The following FHIT variants were observed in gnomAD, a reference collection of about 807,000 sequenced individuals.
FHIT encodes the protein bis(5'-adenosyl)-triphosphatase.
A neutral mutation model predicts 17.9 loss-of-function variants in FHIT; 19 were observed. The ratio of observed to expected loss-of-function variants is 1.06; its 90% CI spans 0.74 to 1.56. FHIT has a LOEUF of 1.56. FHIT is among the 40% of genes most tolerant of loss of function. The pLI is 0.00. For synonymous variants in FHIT, 81 were observed against 69.7 expected, an observed-to-expected ratio of 1.16 and a Z score of -0.81; for missense variants, 248 against 189.2, an observed-to-expected ratio of 1.31 and a Z score of -1.82.
chr3:60,242,758 A>T (rs754073925), intron 5 of FHIT, among the ~76,000 whole-genome samples: 29 of 152,080 alleles, frequency 1.9e-4, no homozygotes, highest in Non-Finnish European at 3.5e-4. Flanking sequence ...TGGTTAGAAG[A>T]TGGTCATAAT....
intron 3 of FHIT, among the ~76,000 whole-genome samples, chr3:60,993,336 G>A (rs551074908): frequency 5.9e-5 from 9 of 152,218 alleles, no homozygotes; most frequent in East Asian, 1.9e-4. Context: ...CTTTCATTCC[G>A]GATTCAGACT....
intron 7 of FHIT, among the ~76,000 whole-genome samples, chr3:59,993,905 T>C (rs760732399): frequency 1.3e-5 from 2 of 152,020 alleles, no homozygotes; most frequent in Non-Finnish European, 2.9e-5. Context: ...AAATTAATAA[T>C]ATTGATAGTG....
intron 4 of FHIT, among the ~76,000 whole-genome samples, chr3:60,564,354 T>C (rs1178796971): frequency 6.6e-6 from 1 of 152,218 alleles, no homozygotes; most frequent in African/African-American, 2.4e-5. Flanking sequence ...GAGATGAATG[T>C]TGTTTTCACA....
At position 60,186,615 on chromosome 3, in the gene FHIT, C is replaced by T. The variant is rs1373502230; in HGVS notation, c.104-172463G>A. ...GGAGGTGGGCTGCGTACAGAACACC[C>T]TGCATCTCCTAAATGGTTTATAATC... On this transcript the variant is annotated intron_variant, in intron 5 of 9. Coordinates refer to ENST00000492590, the MANE Select transcript of FHIT (RefSeq NM_002012.4). Among the ~76,000 whole-genome samples, 6 of 152,102 alleles carry T rather than the reference C, an allele frequency of 3.9e-5. No individual in the cohort carries two copies. In the East Asian group the frequency reaches 9.7e-4, roughly 24 times the overall value.
intron 5 of FHIT, among the ~76,000 whole-genome samples, chr3:60,167,149 T>C (rs1276185630): frequency 6.6e-6 from 1 of 152,206 alleles, no homozygotes; most frequent in Non-Finnish European, 1.5e-5. Flanking sequence ...CATTAACCTC[T>C]TATCCTATAA....
chr3:59,867,540 C>T (rs888304839), intron 8 of FHIT, among the ~76,000 whole-genome samples: 1 of 152,056 alleles, frequency 6.6e-6, no homozygotes, highest in South Asian at 2.1e-4. Context: ...GATGACTTCA[C>T]TTGCATTTAT....
intron 5 of FHIT, among the ~76,000 whole-genome samples, chr3:60,206,480 A>T (rs186153): frequency 6.6e-6 from 1 of 151,868 alleles, no homozygotes; most frequent in Non-Finnish European, 1.5e-5. Flanking sequence ...CAAAAGCACA[A>T]TTTTTTTCTT....
chr3:59,753,877 C>T (rs1365118397), intron 8 of FHIT, among the ~76,000 whole-genome samples: 1 of 152,074 alleles, frequency 6.6e-6, no homozygotes, highest in African/African-American at 2.4e-5. Context: ...TTTATTCATC[C>T]TGAGGGATCT....
intron 3 of FHIT, among the ~76,000 whole-genome samples, chr3:60,916,528 C>T (rs901173508): frequency 6.6e-6 from 1 of 152,128 alleles, no homozygotes; most frequent in African/African-American, 2.4e-5. Flanking sequence ...CATTATTGCC[C>T]AAGATTCAAG....
At chr3:60,384,708 AAACAACAAC>A (rs111660638) in intron 5 of FHIT, among the ~76,000 whole-genome samples, 8 of 151,502 alleles carry the variant, frequency 5.3e-5, no homozygotes, top group Non-Finnish European at 1.2e-4. Context: ...CAAAATCTTA[AAACAACAAC>A]AACAACAACA....
intron 8 of FHIT, among the ~76,000 whole-genome samples, chr3:59,773,892 A>ATTG (rs1702183843): frequency 3.9e-5 from 6 of 152,364 alleles, no homozygotes; most frequent in Middle Eastern, 3.4e-3. Context: ...GGTGTAAAGT[A>ATTG]CATACCAGAT....
At chr3:59,989,112 T>C (rs1709114005) in intron 7 of FHIT, among the ~76,000 whole-genome samples, 1 of 151,998 alleles carries the variant, frequency 6.6e-6, no homozygotes, top group South Asian at 2.1e-4. Flanking sequence ...ACCTGGAAAT[T>C]GGAAAAAATA....
intron 4 of FHIT, among the ~76,000 whole-genome samples, chr3:60,620,684 G>T (rs575686857): frequency 3.5e-4 from 53 of 152,174 alleles, no homozygotes; most frequent in African/African-American, 1.1e-3. Flanking sequence ...GAACATAGGA[G>T]ATTTTTTAGG....
At chr3:60,669,484 C>A (rs2040462538) in intron 4 of FHIT, among the ~76,000 whole-genome samples, 1 of 152,156 alleles carries the variant, frequency 6.6e-6, no homozygotes, top group South Asian at 2.1e-4. Context: ...TAGCTTAAAA[C>A]CTTGAACACA....
chr3:60,445,352 G>C (rs2031251313), intron 5 of FHIT, among the ~76,000 whole-genome samples: 1 of 151,940 alleles, frequency 6.6e-6, no homozygotes, highest in Non-Finnish European at 1.5e-5. Context: ...TATCTAAAAT[G>C]TTGTTCTTGG....
intron 3 of FHIT, among the ~76,000 whole-genome samples, chr3:60,985,827 G>A (rs1268848873): frequency 1.3e-5 from 2 of 152,152 alleles, no homozygotes; most frequent in Non-Finnish European, 2.9e-5. Context: ...AGTTCTGGTG[G>A]TCAGAAGCCC....
chr3:60,391,821 A>T (rs984288567), intron 5 of FHIT, among the ~76,000 whole-genome samples: 3 of 152,170 alleles, frequency 2.0e-5, no homozygotes, highest in Non-Finnish European at 4.4e-5. Context: ...ATTCATAAAA[A>T]TCTGGATATT....
Position 59,935,583 on chromosome 3 carries a change from C to A in FHIT, c.280-13169G>T, listed in dbSNP as rs145877208. On this transcript the variant is annotated intron_variant, in intron 7 of 9. Transcript: ENST00000492590. ...CCCTGATTATTTCTTTTCCCTAACC[C>A]TAGGTTCCTAGGTTAGAAGACATAT... Among the ~76,000 whole-genome samples, 469 of 152,118 alleles carry A rather than the reference C, an allele frequency of 3.1e-3. 2 individuals are homozygous for A. Among genetic ancestry groups the A allele is most frequent in the African/African-American group, 0.011 (443 of 41,492 alleles).
chr3:60,744,263 C>CAAAAAAAAAAAAAAAGAAAAAA (rs1201886354), intron 4 of FHIT, among the ~76,000 whole-genome samples: 1 of 85,986 alleles, frequency 1.2e-5, no homozygotes, highest in Non-Finnish European at 2.3e-5. Flanking sequence ...AAAAACAAAA[C>CAAAAAAAAAAAAAAAGAAAAAA]AAAACAAAAA....
Sources: gnomAD v4.1 joint callset for allele counts (sites outside exome capture counted in the v4.1 genomes callset) on GRCh38, gnomAD v4.1.1 for gene constraint, MANE v1.5 for transcripts, NCBI Gene and HGNC (gene_info 2026-07-23, HGNC 2026-07-21) for gene names.